TRIT1: variants seen among roughly 807,000 people sequenced by gnomAD.
TRIT1 encodes tRNA dimethylallyltransferase.
In TRIT1, 43 loss-of-function variants were observed where a neutral mutation model predicts 51.2. That is an observed-to-expected ratio of 0.84 (90% CI 0.66 to 1.08). The LOEUF (loss-of-function observed/expected upper bound fraction) is 1.08, where lower values mean the gene tolerates loss of function less well. Ranked by LOEUF, TRIT1 falls within the 50% of genes least tolerant of loss-of-function variation. TRIT1 has a pLI of 0.00. For missense variants in TRIT1, 528 were observed against 578.4 expected (o/e 0.91, Z 0.89); for synonymous variants, 184 against 203.9 (o/e 0.90, Z 0.83).
rs764830085 is a variant in TRIT1, at chr1:39,844,506, AG to A, written c.1116+24del. The A allele has an allele frequency of 7.4e-5, 117 of 1,573,510 alleles. 1 individual carries two copies. In the Admixed American group the frequency reaches 1.9e-3, roughly 26 times the overall value. ...GAAAGTGCTCTGAAAACCAGAAAAT[AG>A]AATGTATCATGATTCATAATTACCT... On this transcript the variant is annotated intron_variant, in intron 9 of 10. Coordinates refer to ENST00000316891, the MANE Select transcript of TRIT1 (RefSeq NM_017646.6).
rs1652453440 is a variant in TRIT1 at position 39,838,376 on chromosome 1, A to G, written c.*3368T>C. Among the ~76,000 whole-genome samples, 1 of 152,244 alleles carries G rather than the reference A, an allele frequency of 6.6e-6. No individual in the cohort carries two copies. The highest frequency in any genetic ancestry group is 1.5e-5 in the Non-Finnish European group (1 of 68,052). On this transcript the variant is annotated 3_prime_UTR_variant, in exon 11 of 11. Transcript: ENST00000316891. ...TGCTTTCATGCAATTGATTCAACAAATATTTGACTGTGTCTAGGTGCTAGG... is the reference window on the plus strand; with the variant it reads ...TGCTTTCATGCAATTGATTCAACAAGTATTTGACTGTGTCTAGGTGCTAGG...
At chr1:39,859,422 T>C (rs1489337541) in intron 1 of TRIT1, among the ~76,000 whole-genome samples, 1 of 150,246 alleles carries the variant, frequency 6.7e-6, no homozygotes, top group Non-Finnish European at 1.5e-5. Flanking sequence ...TGCGGCTCTA[T>C]AAAAAATGAA....
At chr1:39,847,112 A>G in intron 8 of TRIT1, 108 bp downstream of exon 8, 1 of 885,300 alleles carries the variant, frequency 1.1e-6, no homozygotes, top group Non-Finnish European at 1.8e-6. Context: ...GTCAGATCCA[A>G]AATCTTAGAA....
intron 1 of TRIT1, among the ~76,000 whole-genome samples, chr1:39,874,383 T>C (rs866255156): frequency 6.6e-6 from 1 of 152,134 alleles, no homozygotes; most frequent in African/African-American, 2.4e-5. Flanking sequence ...AAACGTCCCC[T>C]AGGAGGCCAA....
rs770720261 is a variant in TRIT1 at position 39,841,733 on chromosome 1, G to A, written c.*11C>T. 3.1e-6 allele frequency: 5 copies of A among 1,605,566 alleles called. No individual in the cohort carries two copies. In the East Asian group the frequency reaches 8.9e-5, roughly 29 times the overall value. ...CCCCACCACCTTTCCAAAGGCCACT[G>A]GACATGTCTCTTAAACGCTGCATTT... On this transcript the variant is annotated 3_prime_UTR_variant, in exon 11 of 11. Coordinates refer to ENST00000316891, the MANE Select transcript of TRIT1 (RefSeq NM_017646.6).
chr1:39,872,752 A>AACACACACACACACAC lies in TRIT1; in HGVS notation c.174+10550_174+10565dup, dbSNP rs61554657. ...TTGTAATACCAGACAGGAAGTACTAAACACACACACACACACACACACACA... is the reference window on the plus strand; with the variant it reads ...TTGTAATACCAGACAGGAAGTACTAAACACACACACACACACACACACACACACACACACACACACA... On this transcript the variant is annotated intron_variant, in intron 1 of 10. Coordinates refer to ENST00000316891, the MANE Select transcript of TRIT1 (RefSeq NM_017646.6). 8.9e-3 allele frequency among the ~76,000 whole-genome samples: 1,197 copies of AACACACACACACACAC among 135,052 alleles called. 27 individuals are homozygous for AACACACACACACACAC. Among genetic ancestry groups the AACACACACACACACAC allele is most frequent in the African/African-American group, 0.03 (1,020 of 33,984 alleles). The allele number at this position is 135,052 out of a possible 152,430, so 88.6% of individuals were successfully genotyped here.
intron 1 of TRIT1, among the ~76,000 whole-genome samples, chr1:39,877,328 T>TAAAAAAAAA (rs57539376): frequency 2.7e-5 from 3 of 113,084 alleles, no homozygotes; most frequent in Non-Finnish European, 1.8e-5. Context: ...GTGCTTCTAT[T>TAAAAAAAAA]AAAAAAAAAA....
intron 2 of TRIT1, among the ~76,000 whole-genome samples, chr1:39,856,183 G>A (rs1209415019): frequency 1.3e-5 from 2 of 152,116 alleles, no homozygotes; most frequent in Non-Finnish European, 2.9e-5. Context: ...GCATGTGCCT[G>A]TAGTCCCAGC....
At position 39,844,199 on chromosome 1, in the gene TRIT1, G is replaced by A. The variant is rs572987056; in HGVS notation, c.1136C>T (p.Thr379Ile). The A allele has an allele frequency of 1.2e-6, 2 of 1,614,124 alleles. No individual in the cohort carries two copies. Among genetic ancestry groups the A allele is most frequent in the South Asian group, 1.1e-5 (1 of 91,088 alleles). ...SFIQGHKPTATPIKMPYNEAE... is the reference protein window; with the variant it reads ...SFIQGHKPTAIPIKMPYNEAE... Reference sequence around the variant, plus strand: ...TTCATTGTATGGCATCTTTATTGGAGTGGCTGTAGGCTTGTGGCCCTAAAA... The same window carrying A: ...TTCATTGTATGGCATCTTTATTGGAATGGCTGTAGGCTTGTGGCCCTAAAA... Residue 379 changes from threonine to isoleucine, a missense_variant, in exon 10 of 11, where the codon ACT becomes ATT. Around this residue, in one of 3 missense-constraint regions of TRIT1, gnomAD observed 468 missense variants for 522.6 expected, o/e 0.90. Transcript: ENST00000316891.
At chr1:39,844,782 GA>G (rs780156422) in intron 8 of TRIT1, 142 bp from the exon 9 acceptor site, 3 of 621,792 alleles carry the variant, frequency 4.8e-6, no homozygotes, top group Non-Finnish European at 5.8e-6. Context: ...AACTAAACAT[GA>G]ACCACAATCC....
intron 4 of TRIT1, among the ~76,000 whole-genome samples, chr1:39,850,725 C>CA (rs1157204710): frequency 6.6e-6 from 1 of 152,186 alleles, no homozygotes; most frequent in Non-Finnish European, 1.5e-5. Flanking sequence ...GAATGGTACT[C>CA]ACTCACTTTC....
intron 1 of TRIT1, among the ~76,000 whole-genome samples, chr1:39,875,500 T>C (rs946501574): frequency 2.5e-4 from 37 of 150,906 alleles, no homozygotes; most frequent in East Asian, 7.9e-4. Flanking sequence ...AAAAAAAAAA[T>C]AGACTTACTA....
intron 5 of TRIT1, among the ~76,000 whole-genome samples, chr1:39,848,693 C>T (rs977483192): frequency 4.6e-5 from 7 of 151,500 alleles, no homozygotes; most frequent in East Asian, 1.9e-4. Context: ...CGTAGTGGCG[C>T]GCGCCTGTAA....
intron 2 of TRIT1, among the ~76,000 whole-genome samples, chr1:39,855,586 CATCT>C (rs1326046326): frequency 6.6e-6 from 1 of 152,080 alleles, no homozygotes; most frequent in African/African-American, 2.4e-5. Flanking sequence ...CTTTGAGCAT[CATCT>C]CAGCACTCCA....
rs1642110112 is a variant in TRIT1 at position 39,844,520 on chromosome 1, T to C, written c.1116+11A>G. 4 of 1,602,556 alleles carry C rather than the reference T, an allele frequency of 2.5e-6. No homozygotes were observed. Among genetic ancestry groups the C allele is most frequent in the African/African-American group, 1.3e-5 (1 of 74,662 alleles). ...AACCAGAAAATAGAATGTATCATGA[T>C]TCATAATTACCTGGATGAAACTTTG... On this transcript the variant is annotated intron_variant, in intron 9 of 10. Coordinates refer to ENST00000316891, the MANE Select transcript of TRIT1 (RefSeq NM_017646.6).
chr1:39,873,819 T>A (rs573401548), intron 1 of TRIT1, among the ~76,000 whole-genome samples: 5 of 151,496 alleles, frequency 3.3e-5, no homozygotes, highest in African/African-American at 1.2e-4. Context: ...AGGTCGGGAG[T>A]TCGAGACCAG....
Position 39,847,221 on chromosome 1 carries a change from G to T in TRIT1, c.1005C>A (p.Ser335Arg). ...GATAAAGAAAAACATGAGACTTACTGCTCAAAAAACGGTTTTTAACCCATC... is the reference window on the plus strand; with the variant it reads ...GATAAAGAAAAACATGAGACTTACTTCTCAAAAAACGGTTTTTAACCCATC... ...QNRWVKNRFL[S>R]RPGPIVPPVY... The change falls in exon 8 of 11, where the codon AGC becomes AGA. Residue 335 changes from serine to arginine, a missense_variant and splice_region_variant. Coordinates refer to ENST00000316891, the MANE Select transcript of TRIT1 (RefSeq NM_017646.6). 1 of 1,613,668 alleles carries T rather than the reference G, an allele frequency of 6.2e-7. No individual in the cohort carries two copies. The highest frequency in any genetic ancestry group is 8.5e-7 in the Non-Finnish European group (1 of 1,179,736).
At chr1:39,859,946 T>C (rs1407146049) in intron 1 of TRIT1, among the ~76,000 whole-genome samples, 1 of 152,160 alleles carries the variant, frequency 6.6e-6, no homozygotes, top group Non-Finnish European at 1.5e-5. Context: ...GAAGGCTAGA[T>C]AAAATTTCTT....
intron 5 of TRIT1, among the ~76,000 whole-genome samples, chr1:39,849,372 T>G (rs746471578): frequency 6.6e-6 from 1 of 152,190 alleles, no homozygotes; most frequent in Non-Finnish European, 1.5e-5. Flanking sequence ...AGTGCTACAC[T>G]CTACTGTTTG....
Sources: gnomAD v4.1 joint callset for allele counts (sites outside exome capture counted in the v4.1 genomes callset) on GRCh38, gnomAD v4.1.1 for gene constraint, gnomAD v4.1.1 regional missense constraint, MANE v1.5 for transcripts, NCBI Gene and HGNC (gene_info 2026-07-23, HGNC 2026-07-21) for gene names.